ANKH: variants seen among roughly 807,000 people sequenced by gnomAD.
The protein encoded by ANKH is ANKH inorganic pyrophosphate transport regulator.
Under a neutral mutation model 49.0 loss-of-function variants are expected in ANKH, and 15 were observed. That is an observed-to-expected ratio of 0.31 (90% CI 0.20 to 0.47). The LOEUF (loss-of-function observed/expected upper bound fraction) is 0.47, where lower values mean the gene tolerates loss of function less well. Among genes scored for constraint, ANKH ranks in the 20% least tolerant of loss-of-function variants. The probability of loss-of-function intolerance (pLI) is 1.00; values close to 1 mark genes in which losing one functional copy is unlikely to be tolerated. For missense variants in ANKH, 429 were observed against 652.0 expected, an observed-to-expected ratio of 0.66 and a Z score of 3.72; for synonymous variants, 273 against 260.0, an observed-to-expected ratio of 1.05 and a Z score of -0.48.
At chr5:14,836,336 T>G (rs1344406294) in intron 1 of ANKH, among the ~76,000 whole-genome samples, 2 of 152,224 alleles carry the variant, frequency 1.3e-5, no homozygotes, top group Non-Finnish European at 2.9e-5. Context: ...TTGTCCCTGT[T>G]TGCAGATGAC....
chr5:14,719,227 C>A (rs898553273), intron 8 of ANKH, among the ~76,000 whole-genome samples: 3 of 152,174 alleles, frequency 2.0e-5, no homozygotes, highest in African/African-American at 7.2e-5. Flanking sequence ...GTTTTGAAGG[C>A]GGATGATTTC....
intron 1 of ANKH, among the ~76,000 whole-genome samples, chr5:14,791,557 T>C (rs936826284): frequency 6.6e-6 from 1 of 152,138 alleles, no homozygotes; most frequent in African/African-American, 2.4e-5. Context: ...AAAAATTGGT[T>C]TTGAATAAAT....
In ANKH at chr5:14,769,081, G is replaced by A; in HGVS notation, c.207C>T (p.Phe69=). The A allele has an allele frequency of 1.2e-6, 2 of 1,614,098 alleles. No homozygotes were observed. Among genetic ancestry groups the A allele is most frequent in the African/African-American group, 2.7e-5 (2 of 74,996 alleles). Residue 69 remains phenylalanine (F), a synonymous_variant, in exon 2 of 12, where the codon TTC becomes TTT. Transcript: ENST00000284268. ...TCACAAACACCAGGCCCACATTTTT[G>A]AAGTCACTCATGGGACCCGTGAAGA... is the stretch of plus-strand genomic sequence containing the variant. The part of the protein sequence containing the change: ...MKFFTGPMSD[F]KNVGLVFVNS...
chr5:14,797,575 C>G, intron 1 of ANKH: 1 of 1,610,578 alleles, frequency 6.2e-7, no homozygotes, highest in South Asian at 1.1e-5. Flanking sequence ...AGGCAGTTCA[C>G]TTCAGCAGTG....
At chr5:14,865,058 C>T (rs1188069066) in intron 1 of ANKH, among the ~76,000 whole-genome samples, 3 of 152,092 alleles carry the variant, frequency 2.0e-5, no homozygotes, top group African/African-American at 7.2e-5. Flanking sequence ...GTCAGGAATT[C>T]GACACCAGCC....
At chr5:14,744,617 A>G (rs1406615907) in intron 7 of ANKH, among the ~76,000 whole-genome samples, 1 of 152,226 alleles carries the variant, frequency 6.6e-6, no homozygotes, top group Non-Finnish European at 1.5e-5. Flanking sequence ...CGGGAACTGC[A>G]GGAGCAGAGG....
At position 14,822,261 on chromosome 5, in the gene ANKH, C is replaced by T. The variant is rs56222699; in HGVS notation, c.96+49091G>A. ...ATAATAATTTTATTTTGATGACATA[C>T]AGGAATAATAGTATTTGGATATACT... On this transcript the variant is annotated intron_variant, in intron 1 of 11. Transcript: ENST00000284268. 7.2e-5 allele frequency among the ~76,000 whole-genome samples: 11 copies of T among 152,236 alleles called. No homozygotes were observed. The South Asian group carries it at 2.3e-3, about 32-fold the overall frequency.
intron 1 of ANKH, among the ~76,000 whole-genome samples, chr5:14,806,101 AT>A (rs1218554583): frequency 1.3e-5 from 2 of 152,180 alleles, no homozygotes; most frequent in African/African-American, 4.8e-5. Flanking sequence ...TGCAAGAATA[AT>A]TTTCAATTCT....
intron 1 of ANKH, among the ~76,000 whole-genome samples, chr5:14,856,772 C>T (rs1735271314): frequency 6.6e-6 from 1 of 152,124 alleles, no homozygotes; most frequent in Non-Finnish European, 1.5e-5. Context: ...GCTGTCAATA[C>T]CAAAATTCAC....
intron 1 of ANKH, among the ~76,000 whole-genome samples, chr5:14,780,335 G>A (rs1462366586): frequency 6.6e-6 from 1 of 152,200 alleles, no homozygotes; most frequent in African/African-American, 2.4e-5. Context: ...CTGAGGTCAG[G>A]AGTTCAAGAC....
chr5:14,833,914 A>G (rs1308161230), intron 1 of ANKH, among the ~76,000 whole-genome samples: 1 of 152,128 alleles, frequency 6.6e-6, no homozygotes, highest in Admixed American at 6.5e-5. Flanking sequence ...CAGTAATGCA[A>G]CTGCCTCAGA....
intron 11 of ANKH, 31 bp downstream of exon 11, chr5:14,712,843 C>A (rs755389920): frequency 6.4e-7 from 1 of 1,572,866 alleles, no homozygotes; most frequent in South Asian, 1.2e-5. Flanking sequence ...AGGATGCACC[C>A]GGGAGGAGGC....
intron 1 of ANKH, among the ~76,000 whole-genome samples, chr5:14,771,249 T>C (rs575633391): frequency 4.6e-5 from 7 of 152,318 alleles, no homozygotes; most frequent in Admixed American, 3.3e-4. Context: ...CAATCCACCA[T>C]TGTGTTTCAC....
intron 1 of ANKH, among the ~76,000 whole-genome samples, chr5:14,793,088 TATAA>T (rs1428907622): frequency 1.7e-4 from 22 of 132,754 alleles, no homozygotes; most frequent in Middle Eastern, 4.0e-3. Flanking sequence ...AAAATATATA[TATAA>T]ATATTTATTT....
chr5:14,840,839 C>T (rs1326546844), intron 1 of ANKH, among the ~76,000 whole-genome samples: 1 of 152,090 alleles, frequency 6.6e-6, no homozygotes, highest in Non-Finnish European at 1.5e-5. Flanking sequence ...AAGGGGCATC[C>T]TGGAAGGTGA....
chr5:14,793,068 T>A (rs11745885), intron 1 of ANKH, among the ~76,000 whole-genome samples: 8 of 91,856 alleles, frequency 8.7e-5, no homozygotes, highest in African/African-American at 1.4e-4. Flanking sequence ...AAAATATATA[T>A]AAATATATAA....
chr5:14,740,839 C>T (rs1202328934), intron 8 of ANKH, among the ~76,000 whole-genome samples: 5 of 152,232 alleles, frequency 3.3e-5, no homozygotes, highest in Admixed American at 6.5e-5. Context: ...AACACCTTCA[C>T]GGCCTCCGGT....
At chr5:14,733,203 T>C (rs887514607) in intron 8 of ANKH, among the ~76,000 whole-genome samples, 1 of 152,232 alleles carries the variant, frequency 6.6e-6, no homozygotes, top group Non-Finnish European at 1.5e-5. Flanking sequence ...GTTTGCCATA[T>C]GTGCTGTTTC....
At position 14,845,029 on chromosome 5, in the gene ANKH, GAA is replaced by G. The variant is rs35839744; in HGVS notation, c.96+26321_96+26322del. 7.5e-3 allele frequency among the ~76,000 whole-genome samples: 851 copies of G among 114,022 alleles called. 5 individuals carry two copies. The highest frequency in any genetic ancestry group is 0.024 in the African/African-American group (809 of 33,228). 74.8% of individuals were successfully genotyped at this position (114,022 alleles called of 152,430 possible). A position where few individuals can be genotyped will look rare whatever the true frequency, so the allele number is the denominator to read the frequency against. ...TATTCCTGTTTACCTAAGCGTGCAA[GAA>G]AAAAAAAAAAAAGGCCCTTTTCCTA... On this transcript the variant is annotated intron_variant, in intron 1 of 11. Transcript: ENST00000284268.
Sources: gnomAD v4.1 joint callset for allele counts (sites outside exome capture counted in the v4.1 genomes callset) on GRCh38, gnomAD v4.1.1 for gene constraint, MANE v1.5 for transcripts, NCBI Gene and HGNC (gene_info 2026-07-23, HGNC 2026-07-21) for gene names.